The following EYA4 variants were observed in gnomAD, a reference collection of about 807,000 sequenced individuals.
EYA4 encodes the protein EYA transcriptional coactivator and phosphatase 4.
A neutral mutation model predicts 87.9 loss-of-function variants in EYA4; 31 were observed. That is an observed-to-expected ratio of 0.35 (90% CI 0.27 to 0.48). The LOEUF (loss-of-function observed/expected upper bound fraction) is 0.48. Ranked by LOEUF, EYA4 falls within the 20% of genes least tolerant of loss-of-function variation. EYA4 has a pLI of 0.99. For missense variants in EYA4, 678 were observed against 761.4 expected, an observed-to-expected ratio of 0.89 and a Z score of 1.29; for synonymous variants, 263 against 270.6, an observed-to-expected ratio of 0.97 and a Z score of 0.28.
At chr6:133,332,220 A>G (rs1048796398) in intron 2 of EYA4, among the ~76,000 whole-genome samples, 1 of 152,226 alleles carries the variant, frequency 6.6e-6, no homozygotes, top group African/African-American at 2.4e-5. Flanking sequence ...TTTGAAGCCA[A>G]GGAAATCAGG....
rs1800597277 is a variant in EYA4 at position 133,525,895 on chromosome 6, A to C, written c.1839+641A>C. 6 of 985,332 alleles carry C rather than the reference A, an allele frequency of 6.1e-6. 1 individual carries two copies. The South Asian group carries it at 2.8e-4, about 46-fold the overall frequency. The allele number at this position is 985,332 out of a possible 1,614,324, so 61.0% of individuals were successfully genotyped here. A position where few individuals can be genotyped will look rare whatever the true frequency, so the allele number is the denominator to read the frequency against. On this transcript the variant is annotated intron_variant, in intron 19 of 19. Coordinates refer to ENST00000355286, the MANE Select transcript of EYA4 (RefSeq NM_004100.5). ...AGATCCTTTTGCACCAACTTGTCTT[A>C]GCCGTAATGTGCCTCACATCTCCTA...
At chr6:133,277,647 A>G (rs73557740) in intron 2 of EYA4, among the ~76,000 whole-genome samples, 7,008 of 152,284 alleles carry the variant, frequency 0.046, 575 homozygotes, top group African/African-American at 0.16. Flanking sequence ...CTGACCAGAC[A>G]TCCCTTCTGG....
At chr6:133,271,136 G>T (rs546947710) in intron 1 of EYA4, among the ~76,000 whole-genome samples, 4 of 152,122 alleles carry the variant, frequency 2.6e-5, no homozygotes, top group Non-Finnish European at 5.9e-5. Context: ...TCGTGAACCC[G>T]TGAATCCTGG....
At chr6:133,382,605 A>G (rs1489350836) in intron 3 of EYA4, among the ~76,000 whole-genome samples, 164 bp downstream of exon 3, 2 of 152,142 alleles carry the variant, frequency 1.3e-5, no homozygotes, top group East Asian at 1.9e-4. Context: ...ACCACTACTC[A>G]TAATATTAGT....
At chr6:133,455,536 C>T (rs1052365423) in intron 5 of EYA4, among the ~76,000 whole-genome samples, 6 of 152,130 alleles carry the variant, frequency 3.9e-5, no homozygotes, top group African/African-American at 1.4e-4. Flanking sequence ...TCTTTTCTAA[C>T]AGAATAACAT....
At chr6:133,243,783 CTGCAT>C (rs987504006) in intron 1 of EYA4, among the ~76,000 whole-genome samples, 13 of 151,668 alleles carry the variant, frequency 8.6e-5, no homozygotes, top group African/African-American at 4.8e-5. Context: ...TTTTAGGAGA[CTGCAT>C]TCAAAGACAT....
At chr6:133,248,423 A>T (rs1187460933) in intron 1 of EYA4, 1 of 152,230 alleles carries the variant, frequency 6.6e-6, no homozygotes, top group Non-Finnish European at 1.5e-5. Flanking sequence ...GGTGTACCAC[A>T]TACCGGGAGG....
intron 6 of EYA4, among the ~76,000 whole-genome samples, chr6:133,458,808 T>C (rs979117564): frequency 3.3e-5 from 5 of 152,084 alleles, no homozygotes; most frequent in African/African-American, 1.2e-4. Flanking sequence ...TAAAATTGCT[T>C]TGACACCATC....
intron 10 of EYA4, among the ~76,000 whole-genome samples, chr6:133,466,711 G>A (rs1436992686): frequency 1.3e-5 from 2 of 151,648 alleles, no homozygotes; most frequent in Non-Finnish European, 2.9e-5. Context: ...TGGTGTTTCA[G>A]GCAAAGAAAG....
At chr6:133,364,528 C>T (rs1784710121) in intron 2 of EYA4, among the ~76,000 whole-genome samples, 1 of 152,162 alleles carries the variant, frequency 6.6e-6, no homozygotes, top group Non-Finnish European at 1.5e-5. Context: ...CAATAGTTGA[C>T]CTGTTTGTCT....
At chr6:133,272,446 G>A (rs1360911336) in intron 1 of EYA4, among the ~76,000 whole-genome samples, 1 of 152,154 alleles carries the variant, frequency 6.6e-6, no homozygotes, top group Non-Finnish European at 1.5e-5. Flanking sequence ...TGCTCTGTAC[G>A]ACCTTCTTTA....
chr6:133,256,469 A>G (rs562064142), intron 1 of EYA4, among the ~76,000 whole-genome samples: 1 of 151,980 alleles, frequency 6.6e-6, no homozygotes, highest in African/African-American at 2.4e-5. Flanking sequence ...ACTCTGTGCC[A>G]GGCACAGTTC....
At chr6:133,277,702 C>T (rs1777292186) in intron 2 of EYA4, among the ~76,000 whole-genome samples, 1 of 152,148 alleles carries the variant, frequency 6.6e-6, no homozygotes, top group South Asian at 2.1e-4. Context: ...ATAAATTCAC[C>T]AGCTCTCCTT....
At chr6:133,482,872 A>C (rs1231929103) in intron 12 of EYA4, among the ~76,000 whole-genome samples, 160 bp from the exon 13 acceptor site, 2 of 143,546 alleles carry the variant, frequency 1.4e-5, no homozygotes, top group South Asian at 4.6e-4. Context: ...GCTTTATAGG[A>C]GTTAGATTTG....
chr6:133,519,412 C>G (rs1025719698), intron 17 of EYA4, among the ~76,000 whole-genome samples: 5 of 142,266 alleles, frequency 3.5e-5, no homozygotes, highest in Non-Finnish European at 6.1e-5. Flanking sequence ...GGATACATTC[C>G]TCGACACATA....
At chr6:133,427,226 A>C (rs766833742) in intron 3 of EYA4, among the ~76,000 whole-genome samples, 2 of 152,216 alleles carry the variant, frequency 1.3e-5, no homozygotes, top group Non-Finnish European at 2.9e-5. Context: ...CTTTAGAGGC[A>C]ATTTCTTGAG....
chr6:133,388,231 A>AC (rs200271095), intron 3 of EYA4, among the ~76,000 whole-genome samples: 15,148 of 151,534 alleles, frequency 0.1, 1,032 homozygotes, highest in East Asian at 0.23. Context: ...ACATGGTGAG[A>AC]CCCCGTCTCT....
chr6:133,468,741 T>C lies in EYA4; in HGVS notation c.970+10T>C. ...CTGACTAACCAACCAGGTACAGATC[T>C]TCACCCAGGTGAAATACTTTTATAT... On this transcript the variant is annotated intron_variant, in intron 11 of 19. Coordinates refer to ENST00000355286, the MANE Select transcript of EYA4 (RefSeq NM_004100.5). 5 of 1,612,466 alleles carry C rather than the reference T, an allele frequency of 3.1e-6. No homozygotes were observed. The highest frequency in any genetic ancestry group is 3.4e-6 in the Non-Finnish European group (4 of 1,178,768).
At chr6:133,376,567 C>T (rs1785701040) in intron 2 of EYA4, among the ~76,000 whole-genome samples, 1 of 151,622 alleles carries the variant, frequency 6.6e-6, no homozygotes, top group Non-Finnish European at 1.5e-5. Context: ...ATAATTGAGC[C>T]CAGCTATTTT....
Sources: allele counts gnomAD v4.1 joint callset (sites outside exome capture counted in the v4.1 genomes callset), GRCh38; gene constraint gnomAD v4.1.1; transcripts MANE v1.5; gene names NCBI Gene and HGNC (gene_info 2026-07-23, HGNC 2026-07-21).